PTPRN: variants seen among roughly 807,000 people sequenced by gnomAD.
The protein encoded by PTPRN is receptor-type tyrosine-protein phosphatase-like N.
Under a neutral mutation model 108.5 loss-of-function variants are expected in PTPRN, and 70 were observed. The ratio of observed to expected loss-of-function variants is 0.65; its 90% CI spans 0.53 to 0.79. The LOEUF is 0.79. Among genes scored for constraint, PTPRN ranks in the 30% least tolerant of loss-of-function variants. The pLI is 0.00. For synonymous variants in PTPRN, 496 were observed against 524.6 expected (o/e 0.95, Z 0.75); for missense variants, 1,136 against 1,295.5 (o/e 0.88, Z 1.89).
intron 18 of PTPRN, 57 bp from the exon 19 acceptor site, chr2:219,295,198 G>C: frequency 1.3e-6 from 2 of 1,572,474 alleles, no homozygotes; most frequent in Non-Finnish European, 1.7e-6. Context: ...CCCGCGTTGC[G>C]CGCGCTCTCC....
In PTPRN at chr2:219,303,740, C is replaced by G; in HGVS notation, c.372G>C (p.Arg124Ser). Residue 124 changes from arginine to serine, a missense_variant, in exon 4 of 23, where the codon AGG (arginine) becomes AGC (serine). Physicochemically the swap from Arg to Ser is moderately radical, Grantham distance 110. Coordinates refer to ENST00000295718, the MANE Select transcript of PTPRN (RefSeq NM_002846.4). ...PRLRPPEPRP[R>S]DRSGLAPKRP... ...TGTAGAGAAAGGCTGCCTACCTGTC[C>G]CTTGGACGGGGCTCTGGGGGGCGAA... 1 of 1,613,532 alleles carries G rather than the reference C, an allele frequency of 6.2e-7. No homozygotes were observed. Among genetic ancestry groups the G allele is most frequent in the Non-Finnish European group, 8.5e-7 (1 of 1,179,528 alleles).
intron 18 of PTPRN, chr2:219,295,985 C>T (rs986938000): frequency 5.0e-5 from 27 of 537,712 alleles, no homozygotes; most frequent in African/African-American, 4.8e-4. Flanking sequence ...GACACACACA[C>T]ACACACACAC....
chr2:219,295,249 C>A, intron 18 of PTPRN, 108 bp from the exon 19 acceptor site: 1 of 1,247,012 alleles, frequency 8.0e-7, no homozygotes, highest in South Asian at 1.4e-5. Flanking sequence ...CCCGGCCTCC[C>A]AGGCCGGTTC....
intron 19 of PTPRN, among the ~76,000 whole-genome samples, chr2:219,294,612 G>A (rs1364198814): frequency 1.3e-5 from 2 of 151,826 alleles, no homozygotes; most frequent in Non-Finnish European, 2.9e-5. Flanking sequence ...CAGCGGGGCA[G>A]GAGGGAACTG....
Position 219,302,184 on chromosome 2 carries a change from C to T in PTPRN, c.947G>A (p.Gly316Glu), listed in dbSNP as rs898157078. The T allele has an allele frequency of 1.2e-6, 2 of 1,608,494 alleles. No individual in the cohort carries two copies. Among genetic ancestry groups the T allele is most frequent in the Admixed American group, 1.7e-5 (1 of 59,772 alleles). ...EDSPEGYEKEGLGDRGEKPAS... is the reference protein window; with the variant it reads ...EDSPEGYEKEELGDRGEKPAS... ...AGGCTTCTCTCCACGATCCCCTAGT[C>T]CTTCCTTCTCATAGCCCTCTGGGGA... Residue 316 changes from glycine to glutamate, a missense_variant, in exon 6 of 23, where the codon GGA becomes GAA. Physicochemically the swap from Gly to Glu is moderately conservative, Grantham distance 98. Transcript: ENST00000295718.
intron 1 of PTPRN, chr2:219,308,752 G>A: frequency 9.1e-7 from 1 of 1,100,502 alleles, no homozygotes; most frequent in East Asian, 5.9e-5. Flanking sequence ...GGCTTACGGA[G>A]AAACCCTGGC....
Position 219,297,582 on chromosome 2 carries a change from T to A in PTPRN, c.1888-149A>T, listed in dbSNP as rs528220916. 2 of 838,550 alleles carry A rather than the reference T, an allele frequency of 2.4e-6. No homozygotes were observed. The highest frequency in any genetic ancestry group is 3.4e-5 in the African/African-American group (2 of 58,404). 51.9% of individuals were successfully genotyped at this position (838,550 alleles called of 1,614,324 possible). A position where few individuals can be genotyped will look rare whatever the true frequency, so the allele number is the denominator to read the frequency against. On this transcript the variant is annotated intron_variant, in intron 13 of 22. Coordinates refer to ENST00000295718, the MANE Select transcript of PTPRN (RefSeq NM_002846.4). The surrounding 1 kb of genome is among the most constrained non-coding windows in gnomAD (Gnocchi z 6.0). ...GGTATGGTCTTCTGCCTGGCCCTGA[T>A]CCTTTCCAGGGCTGTTTTGCTTGGG...
In PTPRN at chr2:219,296,830, G is replaced by T; in HGVS notation, c.2237-8C>A. The T allele has an allele frequency of 6.2e-7, 1 of 1,614,046 alleles. No homozygotes were observed. The highest frequency in any genetic ancestry group is 1.1e-5 in the South Asian group (1 of 91,064). On this transcript the variant is annotated splice_region_variant and splice_polypyrimidine_tract_variant and intron_variant, in intron 15 of 22. Transcript: ENST00000295718. This position sits in a 1 kb window ranked among gnomAD's most constrained non-coding sequence, Gnocchi z 6.0. ...TTATGCGGGCATGGTCATCTGCACA[G>T]ACCCGACACCCCACCCCAGATGGCC...
rs781761463 is a variant in PTPRN at position 219,290,853 on chromosome 2, C to T, written c.2767G>A (p.Asp923Asn). Reference sequence around the variant, plus strand: ...TTTGCCATGCGGTTCAGGACCATGTCGATGAGGATGTAGGTGCCGGTCCTC... The same window carrying T: ...TTTGCCATGCGGTTCAGGACCATGTTGATGAGGATGTAGGTGCCGGTCCTC... ...AGRTGTYILI[D>N]MVLNRMAKGV... is the part of the protein sequence containing the mutation. The change falls in exon 21 of 23, where the codon GAC becomes AAC. Residue 923 changes from aspartate (D) to asparagine (N), a missense_variant. Transcript: ENST00000295718. The surrounding 1 kb of genome is among the most constrained non-coding windows in gnomAD (Gnocchi z 4.2). 17 of 1,614,016 alleles carry T rather than the reference C, an allele frequency of 1.1e-5. No homozygotes were observed. Among genetic ancestry groups the T allele is most frequent in the Non-Finnish European group, 1.4e-5 (16 of 1,179,988 alleles).
At chr2:219,308,758 C>A (rs1952548539) in intron 1 of PTPRN, 3 of 1,131,188 alleles carry the variant, frequency 2.7e-6, no homozygotes, top group Non-Finnish European at 1.1e-6. Flanking sequence ...CGGAGAAACC[C>A]TGGCCTCTCT....
In PTPRN at chr2:219,296,565, T is replaced by C. The variant is rs1306973941; in HGVS notation, c.2311-49A>G. The C allele has an allele frequency of 4.4e-6, 7 of 1,606,582 alleles. No individual in the cohort carries two copies. Among genetic ancestry groups the C allele is most frequent in the Non-Finnish European group, 6.0e-6 (7 of 1,174,070 alleles). ...TGAGCCAGTGTGGGAAATGCCACTA[T>C]GGACAGGCGTGGTCAGAGCAAGTGG... On this transcript the variant is annotated intron_variant, in intron 16 of 22. Transcript: ENST00000295718. The surrounding 1 kb of genome is among the most constrained non-coding windows in gnomAD (Gnocchi z 6.0).
At chr2:219,301,760 G>C in intron 6 of PTPRN, 41 bp from the exon 7 acceptor site, 1 of 1,579,192 alleles carries the variant, frequency 6.3e-7, no homozygotes, top group Non-Finnish European at 8.7e-7. Flanking sequence ...TGATTGCGCA[G>C]TGAACTTGAG....
In PTPRN at chr2:219,308,962, T is replaced by C. The variant is rs1417811497; in HGVS notation, c.115+256A>G. ...AGTCCCTCTGCCCACATGCACCCCG[T>C]GTCCTTCTCCCGAACCTGCAATTTT... On this transcript the variant is annotated intron_variant, in intron 1 of 22. Transcript: ENST00000295718. 12 of 1,475,540 alleles carry C rather than the reference T, an allele frequency of 8.1e-6. No individual in the cohort carries two copies. The African/African-American group carries it at 8.5e-5, about 10-fold the overall frequency. The allele number at this position is 1,475,540 out of a possible 1,614,324, so 91.4% of individuals were successfully genotyped here. A position where few individuals can be genotyped will look rare whatever the true frequency, so the allele number is the denominator to read the frequency against.
At chr2:219,304,824 T>A (rs1181074347) in intron 3 of PTPRN, among the ~76,000 whole-genome samples, 2 of 152,260 alleles carry the variant, frequency 1.3e-5, no homozygotes, top group Non-Finnish European at 2.9e-5. Context: ...GCAAACAATA[T>A]GCAATTTCTT....
In PTPRN at chr2:219,291,805, G is replaced by A. The variant is rs148271890; in HGVS notation, c.2676-282C>T. ...CCTCAGTTTTCTTACCTGTAAAATG[G>A]AGGATAGTAAGAAAAACCTCCTTAG... On this transcript the variant is annotated intron_variant, in intron 19 of 22. Coordinates refer to ENST00000295718, the MANE Select transcript of PTPRN (RefSeq NM_002846.4). The A allele has an allele frequency of 1.5e-3, 804 of 525,522 alleles. 8 individuals carry two copies. The highest frequency in any genetic ancestry group is 0.014 in the African/African-American group (731 of 52,512). 32.6% of individuals were successfully genotyped at this position (525,522 alleles called of 1,614,324 possible).
In PTPRN at chr2:219,296,066, G is replaced by A. The variant is rs550180375; in HGVS notation, c.2508+160C>T. ...TGTGAATATATGGGTATGCATATAT[G>A]TGTTTATATATATTCATATATGTAT... On this transcript the variant is annotated intron_variant, in intron 18 of 22. Coordinates refer to ENST00000295718, the MANE Select transcript of PTPRN (RefSeq NM_002846.4). This position sits in a 1 kb window ranked among gnomAD's most constrained non-coding sequence, Gnocchi z 6.0. 6.0e-6 allele frequency: 6 copies of A among 1,006,524 alleles called. No homozygotes were observed. Among genetic ancestry groups the A allele is most frequent in the Non-Finnish European group, 8.9e-6 (6 of 677,472 alleles). The allele number at this position is 1,006,524 out of a possible 1,614,324, so 62.3% of individuals were successfully genotyped here.
In PTPRN at chr2:219,290,118, G is replaced by A. The variant is rs756976752; in HGVS notation, c.*108C>T. On this transcript the variant is annotated 3_prime_UTR_variant, in exon 23 of 23. Coordinates refer to ENST00000295718, the MANE Select transcript of PTPRN (RefSeq NM_002846.4). This position sits in a 1 kb window ranked among gnomAD's most constrained non-coding sequence, Gnocchi z 4.2. ...TCCTGACTCTTCTAGGAAGGGCTGA[G>A]CATGCCCAAGAGGTGGCTGGTGGGG... 1.6e-4 allele frequency: 172 copies of A among 1,059,662 alleles called. No individual in the cohort carries two copies. The highest frequency in any genetic ancestry group is 2.4e-4 in the Non-Finnish European group (164 of 693,922). The allele number at this position is 1,059,662 out of a possible 1,614,324, so 65.6% of individuals were successfully genotyped here.
At position 219,290,553 on chromosome 2, in the gene PTPRN, G is replaced by A; in HGVS notation, c.2853C>T (p.Gly951=). ...GCATGGTCACCTTAGAGCGGACAAGGCCAGGCCGCTGGTCACGGACATGCT... is the reference window on the plus strand; with the variant it reads ...GCATGGTCACCTTAGAGCGGACAAGACCAGGCCGCTGGTCACGGACATGCT... ...TLEHVRDQRP[G]LVRSKDQFEF... The change falls in exon 22 of 23, where the codon GGC becomes GGT. Residue 951 remains glycine (G), a synonymous_variant. Coordinates refer to ENST00000295718, the MANE Select transcript of PTPRN (RefSeq NM_002846.4). The surrounding 1 kb of genome is among the most constrained non-coding windows in gnomAD (Gnocchi z 4.2). 6.4e-7 allele frequency: 1 copy of A among 1,551,692 alleles called. No homozygotes were observed. The highest frequency in any genetic ancestry group is 8.7e-7 in the Non-Finnish European group (1 of 1,146,974).
At chr2:219,298,144 G>A (rs2125092910) in intron 12 of PTPRN, 41 bp from the exon 13 acceptor site, 3 of 1,591,750 alleles carry the variant, frequency 1.9e-6, no homozygotes, top group South Asian at 1.1e-5. Context: ...CAGTGGCATA[G>A]GGAGGTTTCA....
Sources: gnomAD v4.1 joint callset for allele counts (sites outside exome capture counted in the v4.1 genomes callset) on GRCh38, gnomAD v4.1.1 for gene constraint, Gnocchi (gnomAD v3.1) non-coding constraint, MANE v1.5 for transcripts, NCBI Gene and HGNC (gene_info 2026-07-23, HGNC 2026-07-21) for gene names.